The following ST3GAL2 variants were observed in gnomAD, a reference collection of about 807,000 sequenced individuals.
The protein encoded by ST3GAL2 is CMP-N-acetylneuraminate-beta-galactosamide-alpha-2,3-sialyltransferase 2.
Under a neutral mutation model 37.5 loss-of-function variants are expected in ST3GAL2, and 16 were observed. That is an observed-to-expected ratio of 0.43 (90% CI 0.29 to 0.65). The LOEUF (loss-of-function observed/expected upper bound fraction) is 0.65. Among genes scored for constraint, ST3GAL2 ranks in the 30% least tolerant of loss-of-function variants. The pLI is 0.17. For synonymous variants in ST3GAL2, 238 were observed against 202.9 expected, an observed-to-expected ratio of 1.17 and a Z score of -1.47; for missense variants, 383 against 487.8, an observed-to-expected ratio of 0.79 and a Z score of 2.02.
intron 4 of ST3GAL2, 144 bp from the exon 5 acceptor site, chr16:70,383,379 T>G (rs1597553736): frequency 1.5e-6 from 1 of 662,780 alleles, no homozygotes; most frequent in South Asian, 2.0e-5. Flanking sequence ...AGGCCAGGAG[T>G]TTGAGGCCAG....
At chr16:70,407,974 G>A (rs1012657871) in intron 1 of ST3GAL2, among the ~76,000 whole-genome samples, 1 of 152,086 alleles carries the variant, frequency 6.6e-6, no homozygotes, top group African/African-American at 2.4e-5. Context: ...GCCTCTGGGA[G>A]GGAGAGGAGA....
chr16:70,420,186 T>G (rs2047705475), intron 1 of ST3GAL2, among the ~76,000 whole-genome samples: 1 of 152,068 alleles, frequency 6.6e-6, no homozygotes, highest in Non-Finnish European at 1.5e-5. Flanking sequence ...AGTGGGAGGA[T>G]GGAACCAGGT....
At chr16:70,382,660 C>G in intron 6 of ST3GAL2, 145 bp downstream of exon 6, 1 of 1,248,514 alleles carries the variant, frequency 8.0e-7, no homozygotes, top group Non-Finnish European at 1.1e-6. Context: ...CATATCTATA[C>G]TTTACAGCCT....
At chr16:70,403,356 C>G (rs562407969) in intron 1 of ST3GAL2, among the ~76,000 whole-genome samples, 2 of 152,228 alleles carry the variant, frequency 1.3e-5, no homozygotes, top group African/African-American at 4.8e-5. Context: ...ATGGGTTTGG[C>G]TGAGAAAAAA....
intron 1 of ST3GAL2, among the ~76,000 whole-genome samples, chr16:70,433,444 G>T (rs1432030296): frequency 6.6e-6 from 1 of 152,154 alleles, no homozygotes; most frequent in Non-Finnish European, 1.5e-5. Flanking sequence ...ATTTTTTGCA[G>T]TGTGTATTTT....
Position 70,380,093 on chromosome 16 carries a change from A to C in ST3GAL2, c.*1596T>G, listed in dbSNP as rs1479994422. ...AAGACTGGCTGAGGCCTAGCTCTCT[A>C]AAACGGTGGGGGAGGGGGGAGCGCC... On this transcript the variant is annotated 3_prime_UTR_variant, in exon 7 of 7. Transcript: ENST00000342907. 2.0e-5 allele frequency: 3 copies of C among 152,276 alleles called. No homozygotes were observed. The highest frequency in any genetic ancestry group is 4.4e-5 in the Non-Finnish European group (3 of 68,138). 9.4% of individuals were successfully genotyped at this position (152,276 alleles called of 1,614,324 possible). A position where few individuals can be genotyped will look rare whatever the true frequency, so the allele number is the denominator to read the frequency against.
chr16:70,403,137 G>A (rs2047567195), intron 1 of ST3GAL2, among the ~76,000 whole-genome samples: 1 of 129,554 alleles, frequency 7.7e-6, no homozygotes, highest in Admixed American at 7.0e-5. Context: ...AATATCCCAG[G>A]TGGTGGAGGT....
In ST3GAL2 at chr16:70,398,267, G is replaced by A. The variant is rs749432387; in HGVS notation, c.264C>T (p.His88=). The part of the protein sequence containing the change: ...DAGASDWFDS[H]FDGNISPVWT... ...AGACGGGGGAAATGTTACCGTCAAAGTGGCTGTCAAACCAGTCGGAGGCAC... is the reference window on the plus strand; with the variant it reads ...AGACGGGGGAAATGTTACCGTCAAAATGGCTGTCAAACCAGTCGGAGGCAC... The change falls in exon 2 of 7, where the codon CAC becomes CAT. Residue 88 remains histidine, a synonymous_variant. Coordinates refer to ENST00000342907, the MANE Select transcript of ST3GAL2 (RefSeq NM_006927.4). 1.9e-6 allele frequency: 3 copies of A among 1,613,422 alleles called. No individual in the cohort carries two copies. Among genetic ancestry groups the A allele is most frequent in the South Asian group, 2.2e-5 (2 of 91,092 alleles).
chr16:70,399,853 A>C (rs1049786073), intron 1 of ST3GAL2: 1 of 157,682 alleles, frequency 6.3e-6, no homozygotes, highest in African/African-American at 2.4e-5. Context: ...TCAGGTGAAA[A>C]GTCAGAGAAA....
chr16:70,406,068 A>G (rs927472320), intron 1 of ST3GAL2, among the ~76,000 whole-genome samples: 2 of 151,818 alleles, frequency 1.3e-5, no homozygotes, highest in African/African-American at 2.4e-5. Context: ...CTCAAAAAAA[A>G]AAAAAGCCAC....
intron 1 of ST3GAL2, among the ~76,000 whole-genome samples, chr16:70,437,360 C>T (rs2151683508): frequency 6.6e-6 from 1 of 152,262 alleles, no homozygotes; most frequent in South Asian, 2.1e-4. Context: ...GTTGCTGAAG[C>T]AGTGAACCAT....
At chr16:70,391,775 C>A (rs2047483949) in intron 3 of ST3GAL2, among the ~76,000 whole-genome samples, 1 of 152,196 alleles carries the variant, frequency 6.6e-6, no homozygotes, top group Non-Finnish European at 1.5e-5. Flanking sequence ...TGCTCTTTTT[C>A]TTCTCCTTTT....
intron 1 of ST3GAL2, among the ~76,000 whole-genome samples, chr16:70,424,500 C>G (rs190131468): frequency 1.9e-4 from 29 of 151,858 alleles, no homozygotes; most frequent in Middle Eastern, 3.4e-3. Flanking sequence ...ACTCGGGAGG[C>G]TGAGACAGGA....
chr16:70,427,724 C>G (rs1597576706), intron 1 of ST3GAL2, among the ~76,000 whole-genome samples: 1 of 152,280 alleles, frequency 6.6e-6, no homozygotes, highest in Admixed American at 6.5e-5. Flanking sequence ...TATGTGAGCC[C>G]TCCTTCCTCA....
At chr16:70,416,543 G>T (rs2047677783) in intron 1 of ST3GAL2, among the ~76,000 whole-genome samples, 1 of 152,110 alleles carries the variant, frequency 6.6e-6, no homozygotes, top group East Asian at 1.9e-4. Flanking sequence ...ATAAATGTTT[G>T]CCCAACTGAG....
intron 1 of ST3GAL2, among the ~76,000 whole-genome samples, chr16:70,430,832 A>T (rs1310642446): frequency 6.6e-6 from 1 of 152,084 alleles, no homozygotes; most frequent in South Asian, 2.1e-4. Flanking sequence ...TTTCCCACAC[A>T]GCCTCATTCC....
intron 1 of ST3GAL2, among the ~76,000 whole-genome samples, chr16:70,421,975 G>T (rs1038113047): frequency 6.6e-6 from 1 of 152,082 alleles, no homozygotes; most frequent in Non-Finnish European, 1.5e-5. Context: ...TTGCTATGCT[G>T]CCCAGGCTGG....
intron 1 of ST3GAL2, among the ~76,000 whole-genome samples, chr16:70,425,172 A>T (rs890969747): frequency 6.6e-5 from 10 of 151,906 alleles, no homozygotes; most frequent in African/African-American, 2.4e-4. Flanking sequence ...CATAAAAAAA[A>T]AGTGATAGGC....
Position 70,381,000 on chromosome 16 carries a change from C to G in ST3GAL2, c.*689G>C, listed in dbSNP as rs1567663721. 6.6e-6 allele frequency: 1 copy of G among 152,376 alleles called. No homozygotes were observed. Among genetic ancestry groups the G allele is most frequent in the African/African-American group, 2.4e-5 (1 of 41,460 alleles). 9.4% of individuals were successfully genotyped at this position (152,376 alleles called of 1,614,324 possible). A position where few individuals can be genotyped will look rare whatever the true frequency, so the allele number is the denominator to read the frequency against. On this transcript the variant is annotated 3_prime_UTR_variant, in exon 7 of 7. Coordinates refer to ENST00000342907, the MANE Select transcript of ST3GAL2 (RefSeq NM_006927.4). ...TGACAGCACCTTGCACTGAAGGGGACAGGGCTTCCTCGAGCTCTGCCCTGT... is the reference window on the plus strand; with the variant it reads ...TGACAGCACCTTGCACTGAAGGGGAGAGGGCTTCCTCGAGCTCTGCCCTGT...
Sources: gnomAD v4.1 joint callset for allele counts (sites outside exome capture counted in the v4.1 genomes callset) on GRCh38, gnomAD v4.1.1 for gene constraint, MANE v1.5 for transcripts, NCBI Gene and HGNC (gene_info 2026-07-23, HGNC 2026-07-21) for gene names.